Variants in FGF14 observed in about 807,000 individuals in gnomAD.
FGF14 encodes the protein fibroblast growth factor 14.
A neutral mutation model predicts 25.5 loss-of-function variants in FGF14; 5 were observed. The observed-to-expected ratio is 0.20, with a 90% CI of 0.10 to 0.41. The LOEUF (loss-of-function observed/expected upper bound fraction) is 0.41. Ranked by LOEUF, FGF14 falls within the 10% of genes least tolerant of loss-of-function variation. The pLI is 1.00. For missense variants in FGF14, 222 were observed against 320.1 expected (o/e 0.69, Z 2.34); for synonymous variants, 138 against 118.3 (o/e 1.17, Z -1.08).
intron 1 of FGF14, among the ~76,000 whole-genome samples, chr13:102,289,853 G>A (rs534894434): frequency 9.2e-5 from 14 of 152,082 alleles, no homozygotes; most frequent in Middle Eastern, 3.4e-3. Flanking sequence ...TACCTTGTTC[G>A]TGTGTGAATG....
intron 1 of FGF14, among the ~76,000 whole-genome samples, chr13:102,218,815 C>T (rs891133371): frequency 3.3e-5 from 5 of 152,040 alleles, no homozygotes; most frequent in East Asian, 1.9e-4. Flanking sequence ...TAAACCTGTA[C>T]ACTCTTTTCA....
chr13:102,048,042 A>G (rs1334204372), intron 1 of FGF14, among the ~76,000 whole-genome samples: 1 of 151,060 alleles, frequency 6.6e-6, no homozygotes, highest in South Asian at 2.1e-4. Flanking sequence ...GCAGCAGTTG[A>G]TATAAACTTT....
intron 1 of FGF14, among the ~76,000 whole-genome samples, chr13:102,079,868 C>CCTTTTATA (rs2043535714): frequency 6.6e-6 from 1 of 152,006 alleles, no homozygotes; most frequent in African/African-American, 2.4e-5. Flanking sequence ...GAGCAAAGAC[C>CCTTTTATA]TAAAGAATAT....
intron 1 of FGF14, among the ~76,000 whole-genome samples, chr13:102,382,427 T>A (rs1362784670): frequency 6.6e-6 from 1 of 152,062 alleles, no homozygotes; most frequent in African/African-American, 2.4e-5. Flanking sequence ...CACAATGACA[T>A]ACTTCACAGC....
intron 3 of FGF14, among the ~76,000 whole-genome samples, chr13:101,784,175 T>C (rs946391200): frequency 1.3e-5 from 2 of 152,316 alleles, no homozygotes; most frequent in Non-Finnish European, 1.5e-5. Flanking sequence ...TGATATTCCT[T>C]AAAGTTCTTT....
intron 3 of FGF14, among the ~76,000 whole-genome samples, chr13:101,826,696 G>A (rs1189485651): frequency 1.3e-5 from 2 of 151,948 alleles, no homozygotes; most frequent in Admixed American, 6.6e-5. Context: ...AGATAAATGA[G>A]CTGGATAATT....
intron 1 of FGF14, among the ~76,000 whole-genome samples, chr13:102,021,343 G>A (rs1303134742): frequency 6.6e-6 from 1 of 152,054 alleles, no homozygotes; most frequent in South Asian, 2.1e-4. Flanking sequence ...GTAAAAGAGA[G>A]TAAGTGCGTT....
intron 3 of FGF14, among the ~76,000 whole-genome samples, chr13:101,753,298 GACACACACACACACAC>G (rs3064705): frequency 6.9e-6 from 1 of 145,800 alleles, no homozygotes; most frequent in Non-Finnish European, 1.5e-5. Context: ...CACACAGACA[GACACACACACACACAC>G]ACACACACAC....
rs184069273 is a variant in FGF14, at chr13:102,317,495, G to T, written c.208+83976C>A. On this transcript the variant is annotated intron_variant, in intron 1 of 4. Transcript: ENST00000376131. Reference sequence around the variant, plus strand: ...GTTTCATCCTTTCTCCTGGTTTTCTGCTTCTGTCTCTGTTATAAATTATAT... The same window carrying T: ...GTTTCATCCTTTCTCCTGGTTTTCTTCTTCTGTCTCTGTTATAAATTATAT... Among the ~76,000 whole-genome samples, 11 of 152,160 alleles carry T rather than the reference G, an allele frequency of 7.2e-5. No homozygotes were observed. The East Asian group carries it at 2.1e-3, about 29-fold the overall frequency.
At chr13:102,206,349 C>T (rs1364202486) in intron 1 of FGF14, among the ~76,000 whole-genome samples, 1 of 152,060 alleles carries the variant, frequency 6.6e-6, no homozygotes, top group Non-Finnish European at 1.5e-5. Context: ...AAATAAGCCA[C>T]AGCACTTTAA....
intron 1 of FGF14, among the ~76,000 whole-genome samples, chr13:102,282,882 CTTT>C (rs1431947770): frequency 8.6e-5 from 13 of 151,314 alleles, no homozygotes; most frequent in African/African-American, 2.9e-4. Context: ...TCTCTAGCTT[CTTT>C]ATGTCAATGT....
At chr13:101,750,096 C>T (rs1047519362) in intron 3 of FGF14, among the ~76,000 whole-genome samples, 7 of 152,102 alleles carry the variant, frequency 4.6e-5, no homozygotes, top group Non-Finnish European at 8.8e-5. Context: ...AGTCTTCCAG[C>T]ACTTTGATCT....
intron 1 of FGF14, among the ~76,000 whole-genome samples, chr13:101,911,276 G>A (rs181191057): frequency 4.7e-4 from 72 of 152,186 alleles, no homozygotes; most frequent in African/African-American, 1.7e-3. Context: ...AGTGAAGCCC[G>A]TAATTGATTA....
At chr13:102,003,043 G>C (rs2039584936) in intron 1 of FGF14, 1 of 152,068 alleles carries the variant, frequency 6.6e-6, no homozygotes, top group South Asian at 2.1e-4. Context: ...CCAAAATTTA[G>C]TATAGACAGT....
chr13:102,040,527 G>A (rs947039552), intron 1 of FGF14, among the ~76,000 whole-genome samples: 1 of 152,122 alleles, frequency 6.6e-6, no homozygotes, highest in Non-Finnish European at 1.5e-5. Flanking sequence ...TCTGTAAACT[G>A]TAGATAATAA....
At chr13:102,163,789 G>A (rs1255404492) in intron 1 of FGF14, among the ~76,000 whole-genome samples, 1 of 152,010 alleles carries the variant, frequency 6.6e-6, no homozygotes. Flanking sequence ...AGAATGGGAA[G>A]TCTCTGAAGG....
rs2056736977 is a variant in FGF14, at chr13:102,334,632, T to TA, written c.208+66838dup. 3.9e-5 allele frequency among the ~76,000 whole-genome samples: 6 copies of TA among 152,156 alleles called. No homozygotes were observed. In the South Asian group the frequency reaches 1.0e-3, roughly 26 times the overall value. On this transcript the variant is annotated intron_variant, in intron 1 of 4. Coordinates refer to the FGF14 transcript ENST00000376131. ...GCCAATCACTACAGATTAGTTGGGA[T>TA]AAAAAAAGTGTTCGTATAAGGCTTC...
chr13:102,207,624 TAAAAAAAAAAA>T (rs35568335), intron 1 of FGF14, among the ~76,000 whole-genome samples: 3 of 92,480 alleles, frequency 3.2e-5, no homozygotes, highest in Middle Eastern at 6.4e-3. Context: ...CAGTTTTCAT[TAAAAAAAAAAA>T]AAAAAAAAAA....
intron 1 of FGF14, among the ~76,000 whole-genome samples, chr13:102,018,682 A>T (rs1471095544): frequency 6.6e-6 from 1 of 151,432 alleles, no homozygotes; most frequent in East Asian, 2.0e-4. Flanking sequence ...GAGGTCACTT[A>T]TCCATCGCCC....
Sources: allele counts gnomAD v4.1 joint callset (sites outside exome capture counted in the v4.1 genomes callset), GRCh38; gene constraint gnomAD v4.1.1; transcripts MANE v1.5; gene names NCBI Gene and HGNC (gene_info 2026-07-23, HGNC 2026-07-21).